The following PRR16 variants were observed in gnomAD, a reference collection of about 807,000 sequenced individuals.
PRR16 encodes protein Largen.
Under a neutral mutation model 18.2 loss-of-function variants are expected in PRR16, and 6 were observed. The ratio of observed to expected loss-of-function variants is 0.33; its 90% CI spans 0.18 to 0.65. The LOEUF (loss-of-function observed/expected upper bound fraction) is 0.65, where lower values mean the gene tolerates loss of function less well. Ranked by LOEUF, PRR16 falls within the 30% of genes least tolerant of loss-of-function variation. PRR16 has a pLI of 0.74. For missense variants in PRR16, 412 were observed against 376.6 expected (o/e 1.09, Z -0.78); for synonymous variants, 151 against 147.8 (o/e 1.02, Z -0.16).
the PRR16 span, among the ~76,000 whole-genome samples, chr5:120,785,708 G>A: frequency 0.052 from 7,851 of 151,232 alleles, 220 homozygotes; most frequent in South Asian, 0.074. Flanking sequence ...CAGTAGCTGG[G>A]ACTACAGGAC....
At chr5:120,790,933 A>G in the PRR16 span, among the ~76,000 whole-genome samples, 1 of 152,190 alleles carries the variant, frequency 6.6e-6, no homozygotes, top group Non-Finnish European at 1.5e-5. Flanking sequence ...ATGAAAAAGC[A>G]TCAGTGTGGT....
At chr5:120,676,455 G>C (rs983978941) in intron 1 of PRR16, among the ~76,000 whole-genome samples, 10 of 151,440 alleles carry the variant, frequency 6.6e-5, no homozygotes, top group Admixed American at 5.9e-4. Flanking sequence ...GTTAGACCTT[G>C]GGTCTCTAAC....
intron 1 of PRR16, among the ~76,000 whole-genome samples, chr5:120,473,004 T>A (rs931531806): frequency 6.6e-5 from 10 of 152,206 alleles, no homozygotes; most frequent in Non-Finnish European, 1.5e-4. Context: ...TTTTTTCTTA[T>A]GTCACATTAA....
At chr5:120,533,753 T>C (rs1453067533) in intron 1 of PRR16, among the ~76,000 whole-genome samples, 1 of 152,214 alleles carries the variant, frequency 6.6e-6, no homozygotes, top group Non-Finnish European at 1.5e-5. Context: ...CCGCTGGCTG[T>C]TGCAATCCTT....
rs370432681 is a variant in PRR16 at position 120,501,160 on chromosome 5, C to G, written c.159+36515C>G. On this transcript the variant is annotated intron_variant, in intron 1 of 1. Coordinates refer to ENST00000407149, the MANE Select transcript of PRR16 (RefSeq NM_001300783.2). ...AATATATAAAGCAAAGGTGAAAAGG[C>G]TTAGAAAAATGCGTAGCATTAATTT... Among the ~76,000 whole-genome samples, 92 of 152,184 alleles carry G rather than the reference C, an allele frequency of 6.0e-4. No homozygotes were observed. The South Asian group carries it at 9.1e-3, about 15-fold the overall frequency.
chr5:120,664,218 G>C (rs534525756), intron 1 of PRR16, among the ~76,000 whole-genome samples: 31 of 152,066 alleles, frequency 2.0e-4, no homozygotes, highest in Non-Finnish European at 4.1e-4. Context: ...AGAATTGCTT[G>C]AACCTGGGAG....
rs952048378 is a variant in PRR16, at chr5:120,556,742, G to A, written c.159+92097G>A. Reference sequence around the variant, plus strand: ...CTTCTTCTGGGTTGACTAGCCTATTGCACATCTTGGAAACTGGAGAACTGG... The same window carrying A: ...CTTCTTCTGGGTTGACTAGCCTATTACACATCTTGGAAACTGGAGAACTGG... On this transcript the variant is annotated intron_variant, in intron 1 of 1. Coordinates refer to ENST00000407149, the MANE Select transcript of PRR16 (RefSeq NM_001300783.2). 2.0e-5 allele frequency among the ~76,000 whole-genome samples: 3 copies of A among 151,810 alleles called. No individual in the cohort carries two copies. In the East Asian group the frequency reaches 5.8e-4, roughly 29 times the overall value.
intron 1 of PRR16, among the ~76,000 whole-genome samples, chr5:120,619,987 T>A (rs530471468): frequency 6.6e-6 from 1 of 152,106 alleles, no homozygotes; most frequent in Non-Finnish European, 1.5e-5. Flanking sequence ...GTTAATAAAT[T>A]GAGTTTTATG....
intron 1 of PRR16, among the ~76,000 whole-genome samples, chr5:120,667,359 G>T (rs1460481155): frequency 6.6e-6 from 1 of 151,602 alleles, no homozygotes; most frequent in African/African-American, 2.4e-5. Context: ...TTCTTTATTA[G>T]TCTTGCTAGT....
At chr5:120,655,653 A>G (rs936564959) in intron 1 of PRR16, among the ~76,000 whole-genome samples, 16 of 151,730 alleles carry the variant, frequency 1.1e-4, no homozygotes, top group Non-Finnish European at 4.4e-5. Context: ...ACACCCTAGT[A>G]TGGAACACAA....
the PRR16 span, among the ~76,000 whole-genome samples, chr5:120,741,671 G>T: frequency 3.3e-5 from 5 of 151,986 alleles, no homozygotes; most frequent in African/African-American, 1.2e-4. Flanking sequence ...GCCCGATCAC[G>T]GCTCACTGCA....
At chr5:120,553,825 A>G (rs1580718088) in intron 1 of PRR16, among the ~76,000 whole-genome samples, 2 of 151,882 alleles carry the variant, frequency 1.3e-5, no homozygotes, top group African/African-American at 2.4e-5. Flanking sequence ...GGAAAAAAAC[A>G]TACTCAGATT....
At chr5:120,590,957 A>G (rs1171547208) in intron 1 of PRR16, among the ~76,000 whole-genome samples, 1 of 152,102 alleles carries the variant, frequency 6.6e-6, no homozygotes, top group Admixed American at 6.6e-5. Flanking sequence ...TAGTATTCCT[A>G]TTCCAAACTG....
At chr5:120,466,349 T>C (rs1027251950) in intron 1 of PRR16, among the ~76,000 whole-genome samples, 1 of 152,298 alleles carries the variant, frequency 6.6e-6, no homozygotes, top group Middle Eastern at 3.4e-3. Flanking sequence ...GCTTAATAGT[T>C]GGTGAGGTTT....
chr5:120,604,252 A>G (rs1460501376), intron 1 of PRR16, among the ~76,000 whole-genome samples: 1 of 152,176 alleles, frequency 6.6e-6, no homozygotes, highest in Admixed American at 6.5e-5. Flanking sequence ...GGGAGCATAT[A>G]TTTCTAGGAT....
chr5:120,741,081 A>T, the PRR16 span, among the ~76,000 whole-genome samples: 1 of 151,948 alleles, frequency 6.6e-6, no homozygotes, highest in Non-Finnish European at 1.5e-5. Flanking sequence ...ATTCTTCTGT[A>T]TCTGATATTT....
chr5:120,551,345 G>T (rs2168215), intron 1 of PRR16, among the ~76,000 whole-genome samples: 26,629 of 151,908 alleles, frequency 0.18, 3,090 homozygotes, highest in East Asian at 0.62. Flanking sequence ...AAAGACAAAT[G>T]AAAATTTGAC....
rs1424164269 is a variant in PRR16, at chr5:120,481,199, G to A, written c.159+16554G>A. On this transcript the variant is annotated intron_variant, in intron 1 of 1. Transcript: ENST00000407149. ...GTCCCACTCTGTTGCCCAGGCTAGA[G>A]TGCAATGGCACAATCTGGGCTCACT... is the stretch of plus-strand genomic sequence containing the variant. 9 of 812,412 alleles carry A rather than the reference G, an allele frequency of 1.1e-5. No individual in the cohort carries two copies. In the Admixed American group the frequency reaches 1.7e-4, roughly 15 times the overall value. 50.3% of individuals were successfully genotyped at this position (812,412 alleles called of 1,614,324 possible).
the PRR16 span, among the ~76,000 whole-genome samples, chr5:120,711,551 A>C: frequency 6.6e-6 from 1 of 152,214 alleles, no homozygotes; most frequent in African/African-American, 2.4e-5. Flanking sequence ...CAGCAGAAGG[A>C]TATTAATCAG....
Sources: allele counts gnomAD v4.1 joint callset (sites outside exome capture counted in the v4.1 genomes callset), GRCh38; gene constraint gnomAD v4.1.1; transcripts MANE v1.5; gene names NCBI Gene and HGNC (gene_info 2026-07-23, HGNC 2026-07-21).